RIN3: variants seen among roughly 807,000 people sequenced by gnomAD.
RIN3 encodes the protein Ras and Rab interactor 3, also known as RAB5 interacting protein 3.
A neutral mutation model predicts 76.3 loss-of-function variants in RIN3; 54 were observed. The observed-to-expected ratio is 0.71, with a 90% confidence interval of 0.57 to 0.89. The LOEUF is 0.89. Ranked by LOEUF, RIN3 falls within the 40% of genes least tolerant of loss-of-function variation. The probability of loss-of-function intolerance (pLI) is 0.00; values close to 1 mark genes in which losing one functional copy is unlikely to be tolerated. For missense variants in RIN3, 1,256 were observed against 1,322.1 expected (o/e 0.95, Z 0.78); for synonymous variants, 576 against 564.0 (o/e 1.02, Z -0.30).
intron 4 of RIN3, among the ~76,000 whole-genome samples, chr14:92,639,656 C>T (rs918994420): frequency 6.6e-6 from 1 of 152,370 alleles, no homozygotes; most frequent in Admixed American, 6.5e-5. Flanking sequence ...CCTCAGCACA[C>T]AGTGTCTTCA....
intron 8 of RIN3, among the ~76,000 whole-genome samples, chr14:92,679,709 G>C (rs1427694812): frequency 3.3e-5 from 5 of 152,204 alleles, no homozygotes; most frequent in African/African-American, 1.2e-4. Flanking sequence ...GGGAGACTGA[G>C]CCCTGACAGA....
intron 4 of RIN3, among the ~76,000 whole-genome samples, chr14:92,637,402 G>A (rs559902997): frequency 1.6e-4 from 24 of 152,170 alleles, no homozygotes; most frequent in Admixed American, 1.1e-3. Flanking sequence ...GGCTGTATGC[G>A]AGCGATGGGG....
At chr14:92,557,041 C>T (rs1897606344) in intron 2 of RIN3, among the ~76,000 whole-genome samples, 1 of 152,212 alleles carries the variant, frequency 6.6e-6, no homozygotes, top group African/African-American at 2.4e-5. Context: ...TCCCCTCCTG[C>T]AGCCCCGTAA....
rs140188402 is a variant in RIN3, at chr14:92,608,141, A to AAC, written c.368-7252_368-7251dup. Among the ~76,000 whole-genome samples the AAC allele has an allele frequency of 9.9e-4, 150 of 151,734 alleles. 2 individuals carry two copies. Among genetic ancestry groups the AAC allele is most frequent in the African/African-American group, 3.1e-3 (129 of 41,446 alleles). Reference sequence around the variant, plus strand: ...TGATAAAATTGCCTAATACTATACAAACACACACACACACAAATGAGTGCA... The same window carrying AAC: ...TGATAAAATTGCCTAATACTATACAAACACACACACACACACAAATGAGTGCA... On this transcript the variant is annotated intron_variant, in intron 3 of 9. Transcript: ENST00000216487.
At chr14:92,653,585 C>G (rs1887553877) in intron 6 of RIN3, among the ~76,000 whole-genome samples, 1 of 152,222 alleles carries the variant, frequency 6.6e-6, no homozygotes, top group Admixed American at 6.5e-5. Context: ...CCAAACAGCT[C>G]ACTCCTCTGA....
chr14:92,585,853 G>A (rs1016079239), intron 3 of RIN3, among the ~76,000 whole-genome samples: 1 of 152,138 alleles, frequency 6.6e-6, no homozygotes, highest in African/African-American at 2.4e-5. Flanking sequence ...AAAGTAAGGA[G>A]TGATTATTAT....
intron 3 of RIN3, among the ~76,000 whole-genome samples, chr14:92,596,031 T>A (rs1030740786): frequency 7.2e-5 from 11 of 152,236 alleles, no homozygotes; most frequent in Admixed American, 2.0e-4. Flanking sequence ...CCAGGATCAA[T>A]GAGTAGTTTG....
chr14:92,524,312 G>T (rs1896672798), intron 1 of RIN3, among the ~76,000 whole-genome samples: 1 of 152,314 alleles, frequency 6.6e-6, no homozygotes, highest in South Asian at 2.1e-4. Flanking sequence ...CAGTCTTGGG[G>T]TCTCTTGGGC....
chr14:92,636,884 T>G, intron 4 of RIN3, among the ~76,000 whole-genome samples: 1 of 130,578 alleles, frequency 7.7e-6, no homozygotes, highest in Non-Finnish European at 1.6e-5. Flanking sequence ...ACCCTGTCTC[T>G]TCAAAAAAAT....
At position 92,681,386 on chromosome 14, in the gene RIN3, TGA is replaced by T. The variant is rs770088315; in HGVS notation, c.2468-3598_2468-3597del. Among the ~76,000 whole-genome samples the T allele has an allele frequency of 6.6e-6, 1 of 152,114 alleles. No individual in the cohort carries two copies. Among genetic ancestry groups the T allele is most frequent in the Non-Finnish European group, 1.5e-5 (1 of 68,000 alleles). On this transcript the variant is annotated intron_variant, in intron 8 of 9. Transcript: ENST00000216487. This position sits in a 1 kb window ranked among gnomAD's most constrained non-coding sequence, Gnocchi z 4.7. ...GCTGCTCCCCTTTCACCTGCGAGGG[TGA>T]GACACCCCCAGAGCACCTCCCTGAG...
chr14:92,635,076 C>T (rs1485651672), intron 4 of RIN3, among the ~76,000 whole-genome samples: 1 of 152,140 alleles, frequency 6.6e-6, no homozygotes, highest in Non-Finnish European at 1.5e-5. Flanking sequence ...GGCGGAGGCC[C>T]CACCACTCCA....
At chr14:92,537,541 G>A (rs959321544) in intron 1 of RIN3, among the ~76,000 whole-genome samples, 2 of 150,660 alleles carry the variant, frequency 1.3e-5, no homozygotes. Flanking sequence ...ATGTGTTTAT[G>A]TGTTTGCAAT....
At chr14:92,632,275 G>C (rs1167609159) in intron 4 of RIN3, among the ~76,000 whole-genome samples, 1 of 151,356 alleles carries the variant, frequency 6.6e-6, no homozygotes, top group African/African-American at 2.4e-5. Flanking sequence ...CATCAGGGTG[G>C]GTGGGGTGTC....
At chr14:92,660,635 T>C (rs1185536520) in intron 7 of RIN3, among the ~76,000 whole-genome samples, 2 of 152,250 alleles carry the variant, frequency 1.3e-5, no homozygotes, top group Non-Finnish European at 2.9e-5. Flanking sequence ...TGAACTGGCA[T>C]GATGTCACTC....
intron 6 of RIN3, among the ~76,000 whole-genome samples, chr14:92,657,722 G>A (rs1282171751): frequency 6.6e-6 from 1 of 152,326 alleles, no homozygotes; most frequent in East Asian, 1.9e-4. Flanking sequence ...CAGTGAGGTC[G>A]GGAGGTGGGC....
intron 2 of RIN3, among the ~76,000 whole-genome samples, chr14:92,560,023 G>T (rs927490509): frequency 1.3e-5 from 2 of 152,218 alleles, no homozygotes; most frequent in African/African-American, 4.8e-5. Flanking sequence ...ACAAAGCCAG[G>T]CTAGGTTGCT....
At chr14:92,526,607 G>C (rs979628234) in intron 1 of RIN3, among the ~76,000 whole-genome samples, 2 of 152,128 alleles carry the variant, frequency 1.3e-5, no homozygotes, top group Non-Finnish European at 2.9e-5. Context: ...ACAAAAATTA[G>C]CTGGGCGTGG....
chr14:92,546,664 G>A (rs1275092047), intron 1 of RIN3, among the ~76,000 whole-genome samples: 1 of 152,170 alleles, frequency 6.6e-6, no homozygotes, highest in African/African-American at 2.4e-5. Flanking sequence ...TTTAAATTTT[G>A]ATAGATTGTT....
At chr14:92,630,431 G>T (rs1886534486) in intron 4 of RIN3, among the ~76,000 whole-genome samples, 1 of 152,200 alleles carries the variant, frequency 6.6e-6, no homozygotes, top group Non-Finnish European at 1.5e-5. Context: ...GGCAGAGGTT[G>T]CAGTGAATTG....
Sources: gnomAD v4.1 joint callset for allele counts (sites outside exome capture counted in the v4.1 genomes callset) on GRCh38, gnomAD v4.1.1 for gene constraint, Gnocchi (gnomAD v3.1) non-coding constraint, MANE v1.5 for transcripts, NCBI Gene and HGNC (gene_info 2026-07-23, HGNC 2026-07-21) for gene names.